The following OGN variants were observed in gnomAD, a reference collection of about 807,000 sequenced individuals.
OGN encodes the protein mimecan.
In OGN, 19 loss-of-function variants were observed where a neutral mutation model predicts 30.8. That is an observed-to-expected ratio of 0.62 (90% CI 0.43 to 0.90). The LOEUF is 0.90. Among genes scored for constraint, OGN ranks in the 40% least tolerant of loss-of-function variants. The pLI is 0.00. For missense variants in OGN, 283 were observed against 349.7 expected (o/e 0.81, Z 1.52); for synonymous variants, 126 against 128.3 (o/e 0.98, Z 0.12).
At chr9:92,392,864 C>T (rs1296882790) in intron 4 of OGN, among the ~76,000 whole-genome samples, 2 of 152,116 alleles carry the variant, frequency 1.3e-5, no homozygotes, top group Non-Finnish European at 2.9e-5. Context: ...GGGCTGTCAT[C>T]ATAGACAGTG....
intron 1 of OGN, 68 bp from the exon 2 acceptor site, chr9:92,403,550 C>T (rs549978228): frequency 1.2e-5 from 16 of 1,368,462 alleles, no homozygotes; most frequent in East Asian, 5.2e-5. Context: ...GCAGGGTGTG[C>T]GCAGTAAGGG....
chr9:92,392,616 G>A (rs1446236229), intron 4 of OGN, among the ~76,000 whole-genome samples: 1 of 151,714 alleles, frequency 6.6e-6, no homozygotes, highest in South Asian at 2.1e-4. Flanking sequence ...CTCCATGTCG[G>A]GTTGGGGGGA....
intron 3 of OGN, among the ~76,000 whole-genome samples, chr9:92,398,009 T>C (rs1393975399): frequency 6.6e-6 from 1 of 152,226 alleles, no homozygotes; most frequent in Non-Finnish European, 1.5e-5. Context: ...GTATTTGTAA[T>C]GTTTCTCTGA....
chr9:92,390,474 T>C lies in OGN; in HGVS notation c.428-418A>G, dbSNP rs1842625943. On this transcript the variant is annotated intron_variant, in intron 4 of 6. Transcript: ENST00000375561. ...TGATTCTGAGTATGTTATCTTAATC[T>C]TAATCTCTCTATGCCTTATCGCTTA... 2.0e-5 allele frequency among the ~76,000 whole-genome samples: 3 copies of C among 152,196 alleles called. No individual in the cohort carries two copies. The South Asian group carries it at 6.2e-4, about 32-fold the overall frequency.
rs1354634059 is a variant in OGN at position 92,385,344 on chromosome 9, A to G, written c.*276T>C. 1 of 280,576 alleles carries G rather than the reference A, an allele frequency of 3.6e-6. No homozygotes were observed. The highest frequency in any genetic ancestry group is 6.6e-6 in the Non-Finnish European group (1 of 150,898). 17.4% of individuals were successfully genotyped at this position (280,576 alleles called of 1,614,324 possible). On this transcript the variant is annotated 3_prime_UTR_variant, in exon 7 of 7. Coordinates refer to ENST00000375561, the MANE Select transcript of OGN (RefSeq NM_014057.5). ...TAATGCATCTCAAATTTGGGCATTT[A>G]TATAAAAACATGATTTTTAAATGGT...
At chr9:92,393,022 TG>T in intron 4 of OGN, 63 bp downstream of exon 4, 1 of 1,318,982 alleles carries the variant, frequency 7.6e-7, no homozygotes. Flanking sequence ...TATAGAAACT[TG>T]TGTTTATATG....
At chr9:92,398,548 T>C (rs1842984728) in intron 3 of OGN, among the ~76,000 whole-genome samples, 1 of 152,184 alleles carries the variant, frequency 6.6e-6, no homozygotes, top group East Asian at 1.9e-4. Flanking sequence ...CACTTTGTTT[T>C]TTTTTTCCAC....
At chr9:92,387,123 A>G (rs192015848) in intron 5 of OGN, among the ~76,000 whole-genome samples, 1 of 151,166 alleles carries the variant, frequency 6.6e-6, no homozygotes, top group Non-Finnish European at 1.5e-5. Context: ...CTGTAATCCC[A>G]GTACTTTGAG....
chr9:92,386,017 T>G (rs1842405667), intron 6 of OGN, among the ~76,000 whole-genome samples, 184 bp downstream of exon 6: 1 of 152,244 alleles, frequency 6.6e-6, no homozygotes, highest in South Asian at 2.1e-4. Flanking sequence ...GGATGGAATC[T>G]GGACTTCTGG....
chr9:92,394,977 T>G (rs1490060243), intron 3 of OGN, among the ~76,000 whole-genome samples: 2 of 151,154 alleles, frequency 1.3e-5, no homozygotes, highest in Non-Finnish European at 3.0e-5. Flanking sequence ...AATCTGTGTT[T>G]ATTTTAATAG....
intron 5 of OGN, among the ~76,000 whole-genome samples, chr9:92,387,160 G>A (rs1842465005): frequency 6.6e-6 from 1 of 151,824 alleles, no homozygotes; most frequent in Admixed American, 6.6e-5. Flanking sequence ...ATCACTTGAG[G>A]TCAGGAGTTC....
intron 4 of OGN, among the ~76,000 whole-genome samples, chr9:92,390,787 T>C (rs1842646360): frequency 6.6e-6 from 1 of 152,224 alleles, no homozygotes; most frequent in Non-Finnish European, 1.5e-5. Context: ...TATTAGTATA[T>C]AACTTTATGT....
At chr9:92,387,637 A>G (rs1478619405) in intron 5 of OGN, among the ~76,000 whole-genome samples, 5 of 152,216 alleles carry the variant, frequency 3.3e-5, no homozygotes, top group Non-Finnish European at 7.4e-5. Flanking sequence ...CCCTTCCACC[A>G]TGTGGGCATC....
intron 5 of OGN, among the ~76,000 whole-genome samples, chr9:92,387,378 GAA>G (rs574588556): frequency 3.4e-5 from 4 of 117,304 alleles, no homozygotes; most frequent in South Asian, 2.6e-4. Flanking sequence ...TCCATCTCAA[GAA>G]AAAAAAAAAA....
intron 4 of OGN, among the ~76,000 whole-genome samples, chr9:92,392,653 A>G (rs1276131080): frequency 6.6e-6 from 1 of 152,128 alleles, no homozygotes; most frequent in Non-Finnish European, 1.5e-5. Context: ...AACACTTCCC[A>G]AGATATTTTT....
chr9:92,402,027 A>G (rs1843136114), intron 2 of OGN, among the ~76,000 whole-genome samples: 1 of 152,124 alleles, frequency 6.6e-6, no homozygotes, highest in Non-Finnish European at 1.5e-5. Flanking sequence ...CACTCCACAA[A>G]TATCTTAGAC....
At chr9:92,402,377 G>C (rs1308470386) in intron 2 of OGN, among the ~76,000 whole-genome samples, 1 of 152,136 alleles carries the variant, frequency 6.6e-6, no homozygotes. Context: ...AATCTTATAA[G>C]TCTTTATCCT....
intron 3 of OGN, among the ~76,000 whole-genome samples, chr9:92,395,181 C>T (rs1443996673): frequency 6.6e-6 from 1 of 152,144 alleles, no homozygotes; most frequent in Non-Finnish European, 1.5e-5. Flanking sequence ...TTTTCTCCTG[C>T]CCTTTGGTAA....
chr9:92,392,362 G>A (rs567165489), intron 4 of OGN, among the ~76,000 whole-genome samples: 4 of 152,288 alleles, frequency 2.6e-5, no homozygotes, highest in East Asian at 3.9e-4. Flanking sequence ...GGTGGCTCAC[G>A]CCTGTATTCC....
Sources: allele counts gnomAD v4.1 joint callset (sites outside exome capture counted in the v4.1 genomes callset), GRCh38; gene constraint gnomAD v4.1.1; transcripts MANE v1.5; gene names NCBI Gene and HGNC (gene_info 2026-07-23, HGNC 2026-07-21).